The following DSC1 variants were observed in gnomAD, a reference collection of about 807,000 sequenced individuals.
The protein encoded by DSC1 is desmocollin 1, also known as desmocollin-1.
DSC1 carries 79 observed loss-of-function variants against 98.8 expected under a neutral mutation model. That is an observed-to-expected ratio of 0.80 (90% CI 0.67 to 0.96). DSC1 has a LOEUF of 0.96. Ranked by LOEUF, DSC1 falls within the 50% of genes least tolerant of loss-of-function variation. The probability of loss-of-function intolerance (pLI) is 0.00; values close to 1 mark genes in which losing one functional copy is unlikely to be tolerated. For missense variants in DSC1, 1,115 were observed against 1,075.9 expected (o/e 1.04, Z -0.51); for synonymous variants, 405 against 372.1 (o/e 1.09, Z -1.02).
Position 31,148,555 on chromosome 18 carries a change from C to T in DSC1, c.715G>A (p.Ala239Thr), listed in dbSNP as rs1308728499. The change falls in exon 6 of 16, where the codon GCC becomes ACC. Residue 239 changes from alanine (A) to threonine (T), a missense_variant. Transcript: ENST00000257198. ...IIKIEDDNDN[A>T]PYFEHRVTIF... is the part of the protein sequence containing the mutation. The stretch of plus-strand genomic sequence containing the variant: ...GTCACTCTGTGTTCAAAATATGGGG[C>T]GTTATCATTATCATCTTCAATTTTG... 6.2e-6 allele frequency: 10 copies of T among 1,611,556 alleles called. No homozygotes were observed. The highest frequency in any genetic ancestry group is 3.3e-5 in the Admixed American group (2 of 59,958).
At chr18:31,152,669 AAAC>A (rs1989023985) in intron 5 of DSC1, among the ~76,000 whole-genome samples, 2 of 152,282 alleles carry the variant, frequency 1.3e-5, no homozygotes, top group Admixed American at 1.3e-4. Flanking sequence ...AGCAGCCCAT[AAAC>A]AAAGAAGAAA....
At chr18:31,157,864 T>C (rs1481774249) in intron 2 of DSC1, among the ~76,000 whole-genome samples, 2 of 152,240 alleles carry the variant, frequency 1.3e-5, no homozygotes, top group Non-Finnish European at 2.9e-5. Context: ...ATTGTGTGTG[T>C]ATAAATTTAT....
intron 7 of DSC1, among the ~76,000 whole-genome samples, chr18:31,144,940 C>CT (rs1180867352): frequency 0.027 from 2,828 of 105,024 alleles, 89 homozygotes; most frequent in African/African-American, 0.093. Context: ...CTTTTTCTTT[C>CT]TTTTTTTTTT....
intron 6 of DSC1, among the ~76,000 whole-genome samples, chr18:31,146,641 T>C (rs576285606): frequency 1.3e-5 from 2 of 152,290 alleles, no homozygotes; most frequent in South Asian, 2.1e-4. Context: ...GCTCTGTTTT[T>C]AGTTCTTTGA....
intron 5 of DSC1, among the ~76,000 whole-genome samples, chr18:31,151,223 T>C (rs1439961830): frequency 6.6e-6 from 1 of 152,238 alleles, no homozygotes; most frequent in African/African-American, 2.4e-5. Context: ...TTCCGCTGAC[T>C]CAGAGTTGGT....
chr18:31,157,180 T>C (rs911358935), intron 3 of DSC1, among the ~76,000 whole-genome samples, 191 bp downstream of exon 3: 2 of 152,222 alleles, frequency 1.3e-5, no homozygotes, highest in African/African-American at 4.8e-5. Flanking sequence ...CATTCATCTT[T>C]ATAAAAGTTT....
chr18:31,142,700 C>G (rs1299353084), intron 8 of DSC1, among the ~76,000 whole-genome samples: 1 of 151,824 alleles, frequency 6.6e-6, no homozygotes, highest in East Asian at 1.9e-4. Flanking sequence ...TAAACAATAG[C>G]CCTCCACAAA....
At chr18:31,133,267 A>G (rs755890844) in intron 13 of DSC1, among the ~76,000 whole-genome samples, 1 of 152,090 alleles carries the variant, frequency 6.6e-6, no homozygotes, top group East Asian at 1.9e-4. Context: ...AAACAGAAAG[A>G]AAGAAAGAGA....
Position 31,145,801 on chromosome 18 carries a change from T to A in DSC1, c.773-24A>T, listed in dbSNP as rs1279523646. The stretch of plus-strand genomic sequence containing the variant: ...TCCTGTTTAGATAAATCCAAAAGTG[T>A]CAAAAATTTCTACTCATATAATTGA... On this transcript the variant is annotated intron_variant, in intron 6 of 15. Transcript: ENST00000257198. 6 of 1,593,314 alleles carry A rather than the reference T, an allele frequency of 3.8e-6. No individual in the cohort carries two copies. In the South Asian group the frequency reaches 6.9e-5, roughly 18 times the overall value.
intron 12 of DSC1, 60 bp from the exon 13 acceptor site, chr18:31,134,190 T>C (rs1988557609): frequency 6.4e-7 from 1 of 1,550,966 alleles, no homozygotes; most frequent in Non-Finnish European, 8.7e-7. Flanking sequence ...GTATTATTCC[T>C]ACTCAATATT....
Position 31,130,457 on chromosome 18 carries a change from G to T in DSC1, c.*57C>A. On this transcript the variant is annotated 3_prime_UTR_variant, in exon 16 of 16. Coordinates refer to ENST00000257198, the MANE Select transcript of DSC1 (RefSeq NM_024421.2). ...CATTAGCAGATGCTGCTAACATTCT[G>T]CAAGTAATAAATTCCTACTTATGCA... The T allele has an allele frequency of 6.3e-7, 1 of 1,585,098 alleles. No homozygotes were observed. The highest frequency in any genetic ancestry group is 8.6e-7 in the Non-Finnish European group (1 of 1,157,280).
chr18:31,134,251 T>C (rs1030492673), intron 12 of DSC1, 121 bp from the exon 13 acceptor site: 1 of 1,342,978 alleles, frequency 7.4e-7, no homozygotes, highest in Non-Finnish European at 1.0e-6. Flanking sequence ...TTTCTTTTTT[T>C]TTTTGAATTT....
rs1988495938 is a variant in DSC1, at chr18:31,131,753, T to C, written c.2328A>G (p.Thr776=). Residue 776 remains threonine (T), a synonymous_variant, in exon 15 of 16, where the codon ACA becomes ACG. Transcript: ENST00000257198. ...VGTVGGQGIK[T]QQSFEMVKGG... is the part of the protein sequence containing the mutation. Reference sequence around the variant, plus strand: ...CTTTGACCATCTCAAAACTTTGCTGTGTTTTGATTCCCTGGCCACCAACAG... The same window carrying C: ...CTTTGACCATCTCAAAACTTTGCTGCGTTTTGATTCCCTGGCCACCAACAG... 6.2e-7 allele frequency: 1 copy of C among 1,614,144 alleles called. No homozygotes were observed. Among genetic ancestry groups the C allele is most frequent in the African/African-American group, 1.3e-5 (1 of 75,050 alleles).
chr18:31,147,807 G>A (rs1320379516), intron 6 of DSC1, among the ~76,000 whole-genome samples: 1 of 151,328 alleles, frequency 6.6e-6, no homozygotes, highest in Non-Finnish European at 1.5e-5. Flanking sequence ...TCAAATGTCT[G>A]TTAAAAAAAA....
At chr18:31,130,756 TA>T in intron 15 of DSC1, 45 bp from the exon 16 acceptor site, 1 of 1,612,134 alleles carries the variant, frequency 6.2e-7, no homozygotes, top group Non-Finnish European at 8.5e-7. Flanking sequence ...AAAAAACACC[TA>T]AACATATTAG....
intron 11 of DSC1, among the ~76,000 whole-genome samples, chr18:31,138,777 A>G (rs908435813): frequency 6.6e-6 from 1 of 151,698 alleles, no homozygotes; most frequent in African/African-American, 2.4e-5. Flanking sequence ...ATAGCATTGT[A>G]TCAGCTAGTT....
In DSC1 at chr18:31,162,631, T is replaced by A. The variant is rs750706673; in HGVS notation, c.-37A>T. ...CCAATGGCCAGGGACGGTGGCCAGA[T>A]AACAGGGCAGCCTGGGATGCACAGA... On this transcript the variant is annotated 5_prime_UTR_variant, in exon 1 of 16. Transcript: ENST00000257198. The A allele has an allele frequency of 3.1e-6, 5 of 1,595,904 alleles. No individual in the cohort carries two copies. The highest frequency in any genetic ancestry group is 4.3e-6 in the Non-Finnish European group (5 of 1,163,620).
At chr18:31,150,307 CACCACTACT>C (rs1568002695) in intron 5 of DSC1, among the ~76,000 whole-genome samples, 1 of 137,190 alleles carries the variant, frequency 7.3e-6, no homozygotes, top group Non-Finnish European at 1.6e-5. Flanking sequence ...CCATCATCAC[CACCACTACT>C]ACCATCATCA....
intron 6 of DSC1, 136 bp downstream of exon 6, chr18:31,148,361 TG>T: frequency 1.8e-6 from 2 of 1,103,212 alleles, no homozygotes; most frequent in Non-Finnish European, 2.4e-6. Flanking sequence ...CAATTCCTAA[TG>T]GGAAAAAAAG....
Sources: allele counts gnomAD v4.1 joint callset (sites outside exome capture counted in the v4.1 genomes callset), GRCh38; gene constraint gnomAD v4.1.1; transcripts MANE v1.5; gene names NCBI Gene and HGNC (gene_info 2026-07-23, HGNC 2026-07-21).